Variants in AK5 observed in about 807,000 individuals in gnomAD.
AK5 encodes adenylate kinase 5.
A neutral mutation model predicts 69.5 loss-of-function variants in AK5; 27 were observed. That is an observed-to-expected ratio of 0.39 (90% CI 0.29 to 0.54). The LOEUF (loss-of-function observed/expected upper bound fraction) is 0.54. Ranked by LOEUF, AK5 falls within the 20% of genes least tolerant of loss-of-function variation. The pLI, the probability that AK5 is intolerant of heterozygous loss-of-function variation, is 0.71. For missense variants in AK5, 531 were observed against 700.4 expected (o/e 0.76, Z 2.73); for synonymous variants, 260 against 244.4 (o/e 1.06, Z -0.60).
chr1:77,412,437 A>G (rs538336434), intron 7 of AK5, among the ~76,000 whole-genome samples: 12 of 152,248 alleles, frequency 7.9e-5, no homozygotes, highest in African/African-American at 2.6e-4. Flanking sequence ...AACTCCCGCT[A>G]ACTCTTCCAC....
chr1:77,502,823 G>A (rs901922921), intron 10 of AK5, among the ~76,000 whole-genome samples: 3 of 152,166 alleles, frequency 2.0e-5, no homozygotes, highest in African/African-American at 7.2e-5. Flanking sequence ...TGCTTTTGAA[G>A]TCCTTCTTTT....
intron 8 of AK5, among the ~76,000 whole-genome samples, chr1:77,418,607 G>T (rs1650585243): frequency 6.6e-6 from 1 of 152,128 alleles, no homozygotes; most frequent in Non-Finnish European, 1.5e-5. Flanking sequence ...CAAAATAGTT[G>T]GCAAATGAGC....
chr1:77,483,575 G>T (rs1465067788), intron 9 of AK5, among the ~76,000 whole-genome samples: 1 of 152,026 alleles, frequency 6.6e-6, no homozygotes, highest in Non-Finnish European at 1.5e-5. Context: ...TTTCTTAACT[G>T]CCCAGAGAAC....
chr1:77,477,058 C>T (rs1654990364), intron 8 of AK5, among the ~76,000 whole-genome samples: 1 of 151,592 alleles, frequency 6.6e-6, no homozygotes, highest in African/African-American at 2.4e-5. Context: ...GACAGGGTCT[C>T]ACTCTGTCAT....
chr1:77,326,484 G>T (rs1660811338), intron 5 of AK5, among the ~76,000 whole-genome samples: 2 of 151,852 alleles, frequency 1.3e-5, no homozygotes, highest in Admixed American at 1.3e-4. Context: ...GTTTCAAATG[G>T]AAATCTTTAA....
intron 6 of AK5, among the ~76,000 whole-genome samples, chr1:77,344,469 A>G (rs1309982585): frequency 6.6e-6 from 1 of 152,124 alleles, no homozygotes; most frequent in Non-Finnish European, 1.5e-5. Flanking sequence ...TGAGTTCCCA[A>G]TGTTTGGCAG....
Position 77,286,965 on chromosome 1 carries a change from T to C in AK5, c.85T>C (p.Ser29Pro). The C allele has an allele frequency of 6.3e-7, 1 of 1,592,548 alleles. No individual in the cohort carries two copies. The highest frequency in any genetic ancestry group is 8.6e-7 in the Non-Finnish European group (1 of 1,168,554). Residue 29 changes from serine (S) to proline (P), a missense_variant, in exon 2 of 14, where the codon TCT (serine) becomes CCT (proline). Ser to Pro is a moderately conservative substitution (Grantham distance 74). Transcript: ENST00000354567. ...FESLLNGLMC[S>P]KPEDPVEYLE... Reference sequence around the variant, plus strand: ...GAGCCTTTTGAATGGACTGATGTGTTCTAAGCCCGAAGATCCAGTAGAATA... The same window carrying C: ...GAGCCTTTTGAATGGACTGATGTGTCCTAAGCCCGAAGATCCAGTAGAATA...
chr1:77,368,144 A>G (rs1371237937), intron 6 of AK5, among the ~76,000 whole-genome samples: 1 of 131,602 alleles, frequency 7.6e-6, no homozygotes, highest in African/African-American at 2.7e-5. Flanking sequence ...GTCACTGAGT[A>G]ATTTACCAGC....
At chr1:77,470,466 C>G (rs925551651) in intron 8 of AK5, among the ~76,000 whole-genome samples, 3 of 152,282 alleles carry the variant, frequency 2.0e-5, no homozygotes, top group African/African-American at 7.2e-5. Context: ...GATGATGCCA[C>G]TGCACTCCAG....
chr1:77,419,613 A>G (rs1650673105), intron 8 of AK5, among the ~76,000 whole-genome samples: 1 of 152,176 alleles, frequency 6.6e-6, no homozygotes, highest in African/African-American at 2.4e-5. Context: ...ATGCAGCTAA[A>G]AAGGCACTTG....
chr1:77,483,370 C>CT lies in AK5; in HGVS notation c.1102+13dup. ...AGGACACTATGGGAGGTGAGTTTTC[C>CT]TTACTGATCAGATCAAAGTTGTCAT... On this transcript the variant is annotated intron_variant, in intron 9 of 13. Transcript: ENST00000354567. 1 of 1,607,680 alleles carries CT rather than the reference C, an allele frequency of 6.2e-7. No homozygotes were observed. Among genetic ancestry groups the CT allele is most frequent in the Non-Finnish European group, 8.5e-7 (1 of 1,174,300 alleles).
At position 77,340,563 on chromosome 1, in the gene AK5, A is replaced by G. The variant is rs748999053; in HGVS notation, c.886A>G (p.Met296Val). The change falls in exon 6 of 14, where the codon ATG (methionine) becomes GTG (valine). Residue 296 changes from methionine (M) to valine (V), a missense_variant. Physicochemically the swap from Met to Val is conservative, Grantham distance 21 (BLOSUM62 1). Coordinates refer to ENST00000354567, the MANE Select transcript of AK5 (RefSeq NM_174858.3). ...ATACTTCCAGGAAAAGGGGCTCATC[A>G]TGACAGTAAGTTAGCTCGACTTTTA... is the stretch of plus-strand genomic sequence containing the variant. ...VKYFQEKGLI[M>V]TFDADRDEDE... 2.5e-5 allele frequency: 41 copies of G among 1,613,572 alleles called. No individual in the cohort carries two copies. The South Asian group carries it at 2.6e-4, about 10-fold the overall frequency.
At chr1:77,298,405 C>T (rs140756180) in intron 5 of AK5, among the ~76,000 whole-genome samples, 3 of 151,824 alleles carry the variant, frequency 2.0e-5, no homozygotes, top group Non-Finnish European at 2.9e-5. Flanking sequence ...GTAGGCTATG[C>T]CTGCTCAACC....
chr1:77,477,492 G>T (rs1655018272), intron 8 of AK5, among the ~76,000 whole-genome samples: 1 of 152,086 alleles, frequency 6.6e-6, no homozygotes, highest in African/African-American at 2.4e-5. Flanking sequence ...AATTTAAATA[G>T]AAATCTAGGA....
chr1:77,473,156 T>A (rs1337065990), intron 8 of AK5, among the ~76,000 whole-genome samples: 1 of 152,058 alleles, frequency 6.6e-6, no homozygotes, highest in Non-Finnish European at 1.5e-5. Flanking sequence ...ATTGGTTGAA[T>A]TGTTGCATGA....
chr1:77,505,891 A>AAAAAT (rs1248472085), intron 10 of AK5, among the ~76,000 whole-genome samples: 1 of 152,162 alleles, frequency 6.6e-6, no homozygotes, highest in Non-Finnish European at 1.5e-5. Context: ...CTCCATCTCA[A>AAAAAT]AAAATAAAAT....
At chr1:77,319,127 TA>T (rs1660392747) in intron 5 of AK5, among the ~76,000 whole-genome samples, 2 of 152,114 alleles carry the variant, frequency 1.3e-5, no homozygotes, top group Non-Finnish European at 2.9e-5. Flanking sequence ...AAGACAGATG[TA>T]TGAAGAAAGG....
At chr1:77,491,304 ATTTTTT>A (rs10700619) in intron 10 of AK5, among the ~76,000 whole-genome samples, 1 of 87,366 alleles carries the variant, frequency 1.1e-5, no homozygotes, top group Non-Finnish European at 2.1e-5. Flanking sequence ...CATGAATTGA[ATTTTTT>A]TTTTTTTTTT....
At chr1:77,354,688 TTCAAAAA>T (rs1479628041) in intron 6 of AK5, among the ~76,000 whole-genome samples, 1 of 152,214 alleles carries the variant, frequency 6.6e-6, no homozygotes, top group Non-Finnish European at 1.5e-5. Flanking sequence ...AATTTGAGCT[TTCAAAAA>T]TTCATGCTTT....
Sources: gnomAD v4.1 joint callset for allele counts (sites outside exome capture counted in the v4.1 genomes callset) on GRCh38, gnomAD v4.1.1 for gene constraint, MANE v1.5 for transcripts, NCBI Gene and HGNC (gene_info 2026-07-23, HGNC 2026-07-21) for gene names.